Variants in KCNIP3 observed in about 807,000 individuals in gnomAD.
KCNIP3 encodes the protein potassium voltage-gated channel interacting protein 3.
A neutral mutation model predicts 35.0 loss-of-function variants in KCNIP3; 28 were observed. The ratio of observed to expected loss-of-function variants is 0.80; its 90% CI spans 0.59 to 1.10. The LOEUF is 1.10. KCNIP3 is among the 50% of genes least tolerant of loss of function. The pLI, the probability that KCNIP3 is intolerant of heterozygous loss-of-function variation, is 0.00. For missense variants in KCNIP3, 295 were observed against 338.4 expected, an observed-to-expected ratio of 0.87 and a Z score of 1.01; for synonymous variants, 134 against 133.8, an observed-to-expected ratio of 1.00 and a Z score of -0.01.
chr2:95,365,158 CTTTTTTTTTTTT>C (rs75136882), intron 2 of KCNIP3, among the ~76,000 whole-genome samples: 2 of 120,518 alleles, frequency 1.7e-5, no homozygotes, highest in Non-Finnish European at 3.4e-5. Flanking sequence ...GTCCTTATGT[CTTTTTTTTTTTT>C]TTTTTTTTTG....
At chr2:95,338,706 G>C (rs1262800926) in intron 2 of KCNIP3, among the ~76,000 whole-genome samples, 1 of 152,172 alleles carries the variant, frequency 6.6e-6, no homozygotes, top group Non-Finnish European at 1.5e-5. Context: ...GAGTCTACTC[G>C]AGCGGAAGAA....
At chr2:95,307,249 C>T (rs536394469) in intron 1 of KCNIP3, among the ~76,000 whole-genome samples, 1 of 152,326 alleles carries the variant, frequency 6.6e-6, no homozygotes, top group Admixed American at 6.5e-5. Flanking sequence ...CCCCCTAGCC[C>T]AGGAGGGCAT....
chr2:95,305,609 GC>G (rs1341394996), intron 1 of KCNIP3, among the ~76,000 whole-genome samples: 1 of 152,016 alleles, frequency 6.6e-6, no homozygotes, highest in African/African-American at 2.4e-5. Context: ...TCCCCTCAAG[GC>G]CCCTCCTGCC....
chr2:95,308,239 C>A (rs577274293), intron 1 of KCNIP3, among the ~76,000 whole-genome samples: 1 of 152,202 alleles, frequency 6.6e-6, no homozygotes, highest in Non-Finnish European at 1.5e-5. Context: ...ATGGTCAGTG[C>A]CTCTTCTTGC....
intron 5 of KCNIP3, among the ~76,000 whole-genome samples, chr2:95,375,538 C>T (rs1680163237): frequency 6.6e-6 from 1 of 152,102 alleles, no homozygotes; most frequent in Admixed American, 6.5e-5. Flanking sequence ...CAGGGCTTAA[C>T]TCAGAGGCCT....
intron 2 of KCNIP3, among the ~76,000 whole-genome samples, chr2:95,332,573 TAA>T (rs1678959211): frequency 6.6e-6 from 1 of 152,258 alleles, no homozygotes; most frequent in East Asian, 1.9e-4. Context: ...TCCTTAATAT[TAA>T]AGAGAACAAA....
chr2:95,326,232 C>T lies in KCNIP3; in HGVS notation c.181+15712C>T, dbSNP rs1314181222. ...ATACACACACACTCATACACATACA[C>T]ATACACACACACAACACTCACACAT... is the stretch of plus-strand genomic sequence containing the variant. On this transcript the variant is annotated intron_variant, in intron 2 of 8. Transcript: ENST00000295225. 6.7e-5 allele frequency among the ~76,000 whole-genome samples: 9 copies of T among 134,876 alleles called. No homozygotes were observed. The East Asian group carries it at 1.2e-3, about 19-fold the overall frequency. The allele number at this position is 134,876 out of a possible 152,430, so 88.5% of individuals were successfully genotyped here. A position where few individuals can be genotyped will look rare whatever the true frequency, so the allele number is the denominator to read the frequency against.
In KCNIP3 at chr2:95,374,282, G is replaced by T; in HGVS notation, c.182-14G>T. The T allele has an allele frequency of 6.2e-7, 1 of 1,613,012 alleles. No homozygotes were observed. The highest frequency in any genetic ancestry group is 8.5e-7 in the Non-Finnish European group (1 of 1,179,602). On this transcript the variant is annotated splice_polypyrimidine_tract_variant and intron_variant, in intron 2 of 8. Transcript: ENST00000295225. ...CTACAGGCCTTACACTCTCTGGTCT[G>T]TGTCCCACTCCAGATAGCAGCGACA...
chr2:95,369,043 A>T (rs779262793), intron 2 of KCNIP3, among the ~76,000 whole-genome samples: 31 of 151,820 alleles, frequency 2.0e-4, no homozygotes, highest in Admixed American at 5.9e-4. Context: ...TTGTATATTG[A>T]CCTTTTTTCT....
intron 2 of KCNIP3, among the ~76,000 whole-genome samples, chr2:95,372,206 A>T (rs1036496730): frequency 4.6e-5 from 7 of 151,940 alleles, no homozygotes; most frequent in Non-Finnish European, 7.4e-5. Context: ...AAGGATTCTT[A>T]CCATCCATCC....
At chr2:95,322,974 A>G (rs1377247339) in intron 2 of KCNIP3, among the ~76,000 whole-genome samples, 1 of 152,150 alleles carries the variant, frequency 6.6e-6, no homozygotes, top group East Asian at 1.9e-4. Flanking sequence ...GCTCTTCTTT[A>G]CCCAGGAATT....
At chr2:95,336,220 T>G (rs181054880) in intron 2 of KCNIP3, among the ~76,000 whole-genome samples, 1 of 152,330 alleles carries the variant, frequency 6.6e-6, no homozygotes, top group African/African-American at 2.4e-5. Context: ...CTTCCCATTT[T>G]CTGGTCCTGC....
At chr2:95,322,006 G>A (rs1678608921) in intron 2 of KCNIP3, among the ~76,000 whole-genome samples, 1 of 152,080 alleles carries the variant, frequency 6.6e-6, no homozygotes, top group South Asian at 2.1e-4. Context: ...TCATAGCTCT[G>A]TGTGAAGCAA....
rs191525553 is a variant in KCNIP3, at chr2:95,340,376, C to A, written c.181+29856C>A. The stretch of plus-strand genomic sequence containing the variant: ...AAACAAACAAACAACAACAACAAAA[C>A]CTCCATCCCCAAAGCAGCATTCATA... On this transcript the variant is annotated intron_variant, in intron 2 of 8. Coordinates refer to ENST00000295225, the MANE Select transcript of KCNIP3 (RefSeq NM_013434.5). Among the ~76,000 whole-genome samples the A allele has an allele frequency of 2.3e-3, 345 of 152,130 alleles. 3 individuals are homozygous for A. The highest frequency in any genetic ancestry group is 8.0e-3 in the African/African-American group (332 of 41,498).
At chr2:95,320,248 C>T (rs1488228894) in intron 2 of KCNIP3, among the ~76,000 whole-genome samples, 3 of 152,206 alleles carry the variant, frequency 2.0e-5, no homozygotes, top group Admixed American at 6.5e-5. Flanking sequence ...TCAGTCCACT[C>T]GGTGTGGCTG....
At chr2:95,375,017 C>G in intron 4 of KCNIP3, 100 bp downstream of exon 4, 2 of 1,521,726 alleles carry the variant, frequency 1.3e-6, no homozygotes, top group Non-Finnish European at 1.8e-6. Context: ...GCCCCTGTCC[C>G]GTGGGAAACA....
chr2:95,366,600 C>T (rs978291859), intron 2 of KCNIP3, among the ~76,000 whole-genome samples: 3 of 152,138 alleles, frequency 2.0e-5, no homozygotes, highest in African/African-American at 7.2e-5. Flanking sequence ...AAAGTGGCAA[C>T]GTGATTTCCA....
chr2:95,374,666 C>T (rs1243952058), intron 3 of KCNIP3, among the ~76,000 whole-genome samples, 182 bp from the exon 4 acceptor site: 1 of 152,180 alleles, frequency 6.6e-6, no homozygotes. Context: ...TTCCTATTCA[C>T]CCCTCCTCCC....
At chr2:95,325,613 G>A (rs958231029) in intron 2 of KCNIP3, among the ~76,000 whole-genome samples, 1 of 149,086 alleles carries the variant, frequency 6.7e-6, no homozygotes, top group Non-Finnish European at 1.5e-5. Flanking sequence ...TCATACACAC[G>A]TACACACACA....
Sources: gnomAD v4.1 joint callset for allele counts (sites outside exome capture counted in the v4.1 genomes callset) on GRCh38, gnomAD v4.1.1 for gene constraint, MANE v1.5 for transcripts, NCBI Gene and HGNC (gene_info 2026-07-23, HGNC 2026-07-21) for gene names.